Variants in FOXP2 observed in about 807,000 individuals in gnomAD.
FOXP2 encodes the protein forkhead box P2, also known as forkhead box protein P2.
A neutral mutation model predicts 115.8 loss-of-function variants in FOXP2; 12 were observed. The observed-to-expected ratio is 0.10, with a 90% CI of 0.07 to 0.17. The LOEUF is 0.17. FOXP2 is among the 10% of genes least tolerant of loss of function. The pLI is 1.00. For synonymous variants in FOXP2, 328 were observed against 297.7 expected (o/e 1.10, Z -1.05); for missense variants, 629 against 843.5 (o/e 0.75, Z 3.15).
rs144040813 is a variant in FOXP2, at chr7:114,578,073, G to A, written c.258+43367G>A. Among the ~76,000 whole-genome samples, 380 of 151,982 alleles carry A rather than the reference G, an allele frequency of 2.5e-3. 1 individual carries two copies. Among genetic ancestry groups the A allele is most frequent in the African/African-American group, 8.8e-3 (367 of 41,510 alleles). ...ACATATACCTGAAGAACATTTTCTG[G>A]TGCATAGATCATTAATACAAAATTC... On this transcript the variant is annotated intron_variant, in intron 3 of 16. Coordinates refer to ENST00000350908, the MANE Select transcript of FOXP2 (RefSeq NM_014491.4).
At chr7:114,648,875 T>G (rs1158560934) in intron 8 of FOXP2, among the ~76,000 whole-genome samples, 2 of 152,084 alleles carry the variant, frequency 1.3e-5, no homozygotes, top group Non-Finnish European at 2.9e-5. Context: ...GAAGGCACCC[T>G]TTGCATTTTT....
intron 2 of FOXP2, among the ~76,000 whole-genome samples, chr7:114,399,178 A>T (rs1792816308): frequency 6.8e-6 from 1 of 147,456 alleles, no homozygotes; most frequent in African/African-American, 2.5e-5. Context: ...TGCCATCTTG[A>T]CTCACTGCAA....
Position 114,691,011 on chromosome 7 carries a change from A to T in FOXP2, c.*1085A>T. On this transcript the variant is annotated 3_prime_UTR_variant, in exon 17 of 17. Transcript: ENST00000350908. ...CTAAATGCAATGAAGATTTGCTTTC[A>T]TTAAAGACAGAGGTGAGGACAAAAT... is the stretch of plus-strand genomic sequence containing the variant. 2.2e-6 allele frequency: 1 copy of T among 454,380 alleles called. No homozygotes were observed. Among genetic ancestry groups the T allele is most frequent in the African/African-American group, 2.0e-5 (1 of 50,138 alleles). 28.1% of individuals were successfully genotyped at this position (454,380 alleles called of 1,614,324 possible).
chr7:114,663,350 A>G (rs1221889790), intron 14 of FOXP2, 100 bp from the exon 15 acceptor site: 1 of 825,766 alleles, frequency 1.2e-6, no homozygotes, highest in East Asian at 2.6e-5. Flanking sequence ...ATGGACTATT[A>G]GTGTGAGACA....
chr7:114,598,936 G>T (rs1197672322), intron 3 of FOXP2, among the ~76,000 whole-genome samples: 1 of 152,086 alleles, frequency 6.6e-6, no homozygotes, highest in Non-Finnish European at 1.5e-5. Flanking sequence ...GTTGACTTTG[G>T]ATTAAGCAAC....
intron 8 of FOXP2, among the ~76,000 whole-genome samples, chr7:114,647,098 C>T (rs550413069): frequency 1.6e-4 from 25 of 151,762 alleles, no homozygotes; most frequent in African/African-American, 2.7e-4. Flanking sequence ...TTCTAGTATA[C>T]GCTAGAAATA....
At chr7:114,252,701 C>T (rs967052497) in intron 1 of FOXP2, among the ~76,000 whole-genome samples, 3 of 151,836 alleles carry the variant, frequency 2.0e-5, no homozygotes, top group Admixed American at 1.3e-4. Context: ...TTATTAGTCT[C>T]GCTAGCGTTC....
intron 1 of FOXP2, among the ~76,000 whole-genome samples, chr7:114,222,232 T>A (rs1794641960): frequency 6.6e-6 from 1 of 152,244 alleles, no homozygotes; most frequent in African/African-American, 2.4e-5. Flanking sequence ...CTTGGCTCAC[T>A]GCAGCCTCTG....
chr7:114,134,916 C>T (rs1791997171), intron 1 of FOXP2, among the ~76,000 whole-genome samples: 1 of 152,178 alleles, frequency 6.6e-6, no homozygotes. Flanking sequence ...ATCAAATGAA[C>T]ACATACCATG....
chr7:114,169,659 T>C (rs548694881), intron 1 of FOXP2, among the ~76,000 whole-genome samples: 3 of 152,140 alleles, frequency 2.0e-5, no homozygotes, highest in African/African-American at 7.2e-5. Context: ...GAAGGCATGA[T>C]TGGTTTTAAA....
chr7:114,205,910 TCA>T (rs1277171414), intron 1 of FOXP2, among the ~76,000 whole-genome samples: 3 of 152,172 alleles, frequency 2.0e-5, no homozygotes, highest in Admixed American at 6.5e-5. Flanking sequence ...GGGCAACATA[TCA>T]CAGCATCCAC....
intron 1 of FOXP2, among the ~76,000 whole-genome samples, chr7:114,173,762 T>G (rs1003010025): frequency 6.6e-6 from 1 of 152,046 alleles, no homozygotes; most frequent in African/African-American, 2.4e-5. Flanking sequence ...ATTGAAATTT[T>G]GGGAATAAAA....
At chr7:114,677,679 A>G (rs985890749) in intron 16 of FOXP2, among the ~76,000 whole-genome samples, 13 of 152,224 alleles carry the variant, frequency 8.5e-5, no homozygotes, top group African/African-American at 3.1e-4. Context: ...CAAAAGCAAC[A>G]CATATCTTTA....
At chr7:114,498,302 T>G (rs1448865419) in intron 2 of FOXP2, among the ~76,000 whole-genome samples, 1 of 152,218 alleles carries the variant, frequency 6.6e-6, no homozygotes, top group Admixed American at 6.5e-5. Context: ...GGTTTGGACT[T>G]ACTTAATATA....
At chr7:114,148,644 A>G (rs965921091) in intron 1 of FOXP2, among the ~76,000 whole-genome samples, 1 of 152,194 alleles carries the variant, frequency 6.6e-6, no homozygotes, top group African/African-American at 2.4e-5. Context: ...GAGAAGTAAG[A>G]TAAGAATGAA....
chr7:114,086,771 C>T (rs1420893729), upstream of FOXP2, among the ~76,000 whole-genome samples: 4 of 152,220 alleles, frequency 2.6e-5, no homozygotes, highest in Non-Finnish European at 5.9e-5. Context: ...CTTGCCGGGG[C>T]GAGTGTGACA....
intron 2 of FOXP2, among the ~76,000 whole-genome samples, chr7:114,511,631 C>G (rs1798084315): frequency 6.6e-6 from 1 of 152,002 alleles, no homozygotes; most frequent in Non-Finnish European, 1.5e-5. Flanking sequence ...AATGGCTAGA[C>G]AGTTATACTA....
intron 1 of FOXP2, among the ~76,000 whole-genome samples, chr7:114,256,279 A>G (rs1362363134): frequency 6.6e-6 from 1 of 151,520 alleles, no homozygotes; most frequent in Non-Finnish European, 1.5e-5. Context: ...ATTTTTTTGT[A>G]TTTTTTTAGT....
At chr7:114,605,186 T>G (rs1158099470) in intron 3 of FOXP2, among the ~76,000 whole-genome samples, 1 of 152,140 alleles carries the variant, frequency 6.6e-6, no homozygotes. Context: ...ATTTACATGT[T>G]TTTTTCTTGC....
Sources: allele counts gnomAD v4.1 joint callset (sites outside exome capture counted in the v4.1 genomes callset), GRCh38; gene constraint gnomAD v4.1.1; transcripts MANE v1.5; gene names NCBI Gene and HGNC (gene_info 2026-07-23, HGNC 2026-07-21).